NKAIN2: variants seen among roughly 807,000 people sequenced by gnomAD.
NKAIN2 encodes sodium/potassium transporting ATPase interacting 2, also known as sodium/potassium-transporting ATPase subunit beta-1-interacting protein 2.
NKAIN2 carries 14 observed loss-of-function variants against 32.6 expected under a neutral mutation model. That is an observed-to-expected ratio of 0.43 (90% CI 0.28 to 0.67). NKAIN2 has a LOEUF of 0.67. Among genes scored for constraint, NKAIN2 ranks in the 30% least tolerant of loss-of-function variants. The pLI, the probability that NKAIN2 is intolerant of heterozygous loss-of-function variation, is 0.17. For missense variants in NKAIN2, 198 were observed against 258.3 expected (o/e 0.77, Z 1.60); for synonymous variants, 80 against 87.2 (o/e 0.92, Z 0.46).
chr6:124,416,524 G>A (rs541578710), intron 3 of NKAIN2, among the ~76,000 whole-genome samples: 54 of 152,050 alleles, frequency 3.6e-4, no homozygotes, highest in East Asian at 1.9e-4. Context: ...CTGTAGTCCC[G>A]GCTGCTTGGT....
At chr6:124,105,910 C>A (rs2114959256) in intron 1 of NKAIN2, among the ~76,000 whole-genome samples, 3 of 152,240 alleles carry the variant, frequency 2.0e-5, no homozygotes, top group Admixed American at 2.0e-4. Context: ...ACTGAATTAT[C>A]TCTGTAACCT....
intron 4 of NKAIN2, among the ~76,000 whole-genome samples, chr6:124,673,246 T>C (rs886614159): frequency 4.6e-5 from 7 of 152,090 alleles, no homozygotes; most frequent in African/African-American, 1.4e-4. Context: ...CTGAATAACA[T>C]TCCATGATAT....
At chr6:123,942,114 C>T (rs1281517419) in intron 1 of NKAIN2, among the ~76,000 whole-genome samples, 8 of 151,824 alleles carry the variant, frequency 5.3e-5, no homozygotes, top group Non-Finnish European at 1.2e-4. Flanking sequence ...CTGATGAGTC[C>T]TAAGAACAGT....
chr6:124,437,894 T>TTTA, intron 3 of NKAIN2: 1 of 411,282 alleles, frequency 2.4e-6, no homozygotes, highest in Non-Finnish European at 4.8e-6. Flanking sequence ...TTTTTTTTCT[T>TTTA]AACCCCAGGT....
At chr6:123,860,422 A>G (rs1471017840) in intron 1 of NKAIN2, among the ~76,000 whole-genome samples, 1 of 152,128 alleles carries the variant, frequency 6.6e-6, no homozygotes, top group Non-Finnish European at 1.5e-5. Context: ...ATGTATTATT[A>G]TTATCTGAGA....
chr6:124,149,122 T>A (rs746491171), intron 1 of NKAIN2, among the ~76,000 whole-genome samples: 99 of 151,826 alleles, frequency 6.5e-4, no homozygotes, highest in Admixed American at 1.2e-3. Flanking sequence ...AAACGTCTAT[T>A]TAAATCCTTT....
chr6:124,751,899 T>C (rs1777741104), intron 4 of NKAIN2, among the ~76,000 whole-genome samples: 1 of 151,908 alleles, frequency 6.6e-6, no homozygotes, highest in Admixed American at 6.6e-5. Flanking sequence ...GGAGGAACTC[T>C]TGGTCCTGGG....
chr6:124,706,240 T>A (rs1775056390), intron 4 of NKAIN2, among the ~76,000 whole-genome samples: 1 of 151,998 alleles, frequency 6.6e-6, no homozygotes, highest in Non-Finnish European at 1.5e-5. Context: ...TACTTCACTT[T>A]ATTATTACAA....
intron 4 of NKAIN2, among the ~76,000 whole-genome samples, chr6:124,759,559 T>C (rs1778130326): frequency 2.1e-5 from 3 of 145,788 alleles, no homozygotes; most frequent in African/African-American, 7.7e-5. Flanking sequence ...CAAGGAAGTC[T>C]GCCCCCTAGC....
Position 124,632,568 on chromosome 6 carries a change from C to CTGAT in NKAIN2, c.274-25617_274-25614dup, listed in dbSNP as rs574084097. ...CTCCTCTTAAAAGTGTTCCTTAAAACTGATAATGAGTACTTTTCTTTGTTT... is the reference window on the plus strand; with the variant it reads ...CTCCTCTTAAAAGTGTTCCTTAAAACTGATTGATAATGAGTACTTTTCTTTGTTT... On this transcript the variant is annotated intron_variant, in intron 3 of 6. Transcript: ENST00000368417. Among the ~76,000 whole-genome samples, 185 of 152,286 alleles carry CTGAT rather than the reference C, an allele frequency of 1.2e-3. No homozygotes were observed. The Middle Eastern group carries it at 0.017, about 14-fold the overall frequency.
At chr6:124,613,580 G>A (rs954009541) in intron 3 of NKAIN2, among the ~76,000 whole-genome samples, 6 of 152,046 alleles carry the variant, frequency 3.9e-5, no homozygotes, top group Middle Eastern at 3.2e-3. Flanking sequence ...ATGCCATTTA[G>A]AACATAAATC....
At chr6:123,840,841 C>T (rs1207434935) in intron 1 of NKAIN2, among the ~76,000 whole-genome samples, 1 of 152,016 alleles carries the variant, frequency 6.6e-6, no homozygotes, top group African/African-American at 2.4e-5. Flanking sequence ...AGTTTATATA[C>T]TATTTATATA....
At chr6:124,336,926 C>T (rs1012110596) in intron 2 of NKAIN2, among the ~76,000 whole-genome samples, 1 of 152,068 alleles carries the variant, frequency 6.6e-6, no homozygotes, top group Non-Finnish European at 1.5e-5. Context: ...CTGCCTCGGC[C>T]TCCCAAAGTG....
intron 3 of NKAIN2, among the ~76,000 whole-genome samples, chr6:124,403,131 G>A (rs1773699707): frequency 6.6e-6 from 1 of 152,020 alleles, no homozygotes. Flanking sequence ...AACTTTAAAT[G>A]CATAAATATG....
intron 2 of NKAIN2, among the ~76,000 whole-genome samples, chr6:124,353,978 A>G (rs1029718228): frequency 6.6e-6 from 1 of 152,190 alleles, no homozygotes; most frequent in African/African-American, 2.4e-5. Flanking sequence ...GCATTTGTTT[A>G]GAAGGGAAGT....
At chr6:124,526,644 G>T (rs1779325278) in intron 3 of NKAIN2, among the ~76,000 whole-genome samples, 1 of 152,134 alleles carries the variant, frequency 6.6e-6, no homozygotes, top group Non-Finnish European at 1.5e-5. Context: ...TAATTTTTGA[G>T]CCCAGGGAAC....
chr6:124,230,942 C>T (rs1294507404), intron 1 of NKAIN2, among the ~76,000 whole-genome samples: 4 of 152,184 alleles, frequency 2.6e-5, no homozygotes, highest in African/African-American at 7.2e-5. Flanking sequence ...GTCCTCCAGA[C>T]CCCACAATGG....
rs144966650 is a variant in NKAIN2, at chr6:124,015,600, T to C, written c.54+211346T>C. ...AGCTGAGAACAAAAACACCGTGAGG[T>C]GCTTCAAAGCCGTTCTGTATGTTTA... On this transcript the variant is annotated intron_variant, in intron 1 of 6. Transcript: ENST00000368417. Among the ~76,000 whole-genome samples, 17 of 152,284 alleles carry C rather than the reference T, an allele frequency of 1.1e-4. No individual in the cohort carries two copies. In the East Asian group the frequency reaches 2.9e-3, roughly 26 times the overall value.
At chr6:124,537,798 A>C (rs932652324) in intron 3 of NKAIN2, among the ~76,000 whole-genome samples, 5 of 152,162 alleles carry the variant, frequency 3.3e-5, no homozygotes, top group African/African-American at 1.2e-4. Context: ...TCTTTTGTTC[A>C]TATGTAGTAT....
Sources: allele counts gnomAD v4.1 joint callset (sites outside exome capture counted in the v4.1 genomes callset), GRCh38; gene constraint gnomAD v4.1.1; transcripts MANE v1.5; gene names NCBI Gene and HGNC (gene_info 2026-07-23, HGNC 2026-07-21).